Variants in TTC23L observed in about 807,000 individuals in gnomAD.
TTC23L encodes the protein tetratricopeptide repeat protein 23-like.
Under a neutral mutation model 48.1 loss-of-function variants are expected in TTC23L, and 42 were observed. The observed-to-expected ratio is 0.87, with a 90% CI of 0.68 to 1.13. TTC23L has a LOEUF of 1.13. TTC23L is among the 50% of genes most tolerant of loss of function. TTC23L has a pLI of 0.00. For synonymous variants in TTC23L, 159 were observed against 157.2 expected, an observed-to-expected ratio of 1.01 and a Z score of -0.09; for missense variants, 391 against 421.0, an observed-to-expected ratio of 0.93 and a Z score of 0.62.
At chr5:34,924,817 C>A in the TTC23L span, 3 of 1,543,814 alleles carry the variant, frequency 1.9e-6, no homozygotes, top group Non-Finnish European at 2.7e-6. Flanking sequence ...CGTAACCAAA[C>A]CAAAATGAAA....
chr5:34,855,182 G>GTGTGGT (rs2150373472), intron 4 of TTC23L, among the ~76,000 whole-genome samples: 3 of 71,368 alleles, frequency 4.2e-5, no homozygotes, highest in South Asian at 3.6e-4. Flanking sequence ...GCAGGCTAAG[G>GTGTGGT]TTAGGACTGG....
intron 9 of TTC23L, among the ~76,000 whole-genome samples, chr5:34,883,932 C>G (rs535007876): frequency 6.6e-6 from 1 of 152,258 alleles, no homozygotes; most frequent in African/African-American, 2.4e-5. Context: ...ACTCTGACAT[C>G]AAAGCCATAA....
intron 7 of TTC23L, chr5:34,868,057 C>G (rs899784612): frequency 6.6e-6 from 1 of 152,192 alleles, no homozygotes; most frequent in Non-Finnish European, 1.5e-5. Flanking sequence ...TATATCGATT[C>G]ATTTAATCTG....
chr5:34,917,498 G>A, the TTC23L span, among the ~76,000 whole-genome samples: 1 of 151,990 alleles, frequency 6.6e-6, no homozygotes, highest in African/African-American at 2.4e-5. Context: ...AAATCAGCCA[G>A]GTGCAGTGGC....
At chr5:34,882,658 C>CACACAA (rs1317720646) in intron 9 of TTC23L, among the ~76,000 whole-genome samples, 10 of 148,838 alleles carry the variant, frequency 6.7e-5, no homozygotes, top group East Asian at 5.9e-4. Flanking sequence ...CACACACACA[C>CACACAA]AATATCTTTT....
At chr5:34,846,327 A>C (rs1395075812) in intron 3 of TTC23L, among the ~76,000 whole-genome samples, 2 of 151,880 alleles carry the variant, frequency 1.3e-5, no homozygotes, top group Non-Finnish European at 2.9e-5. Context: ...TGGGAGGCCA[A>C]GGTGGGCAGA....
rs115722971 is a variant in TTC23L at position 34,862,796 on chromosome 5, G to A, written c.380-102G>A. On this transcript the variant is annotated intron_variant, in intron 4 of 10. Coordinates refer to ENST00000505624, the Ensembl canonical transcript of TTC23L. The stretch of plus-strand genomic sequence containing the variant: ...TAGGAACCAATGCTATAGACCATAC[G>A]ACAACTGCACTGCCCACTTTATCCC... 5.0e-3 allele frequency: 6,948 copies of A among 1,380,876 alleles called. 18 individuals are homozygous for A. Among genetic ancestry groups the A allele is most frequent in the Non-Finnish European group, 6.3e-3 (6,380 of 1,007,982 alleles). The allele number at this position is 1,380,876 out of a possible 1,614,324, so 85.5% of individuals were successfully genotyped here.
intron 3 of TTC23L, 62 bp downstream of exon 3, chr5:34,845,735 G>C: frequency 6.7e-7 from 1 of 1,482,932 alleles, no homozygotes; most frequent in Non-Finnish European, 9.1e-7. Flanking sequence ...GTTTAGAGAA[G>C]CTTTGCCTTC....
chr5:34,925,202 C>T, the TTC23L span: 1 of 1,474,370 alleles, frequency 6.8e-7, no homozygotes. Flanking sequence ...TCAAAAGCAT[C>T]TAATCTTTTT....
intron 7 of TTC23L, 47 bp downstream of exon 7, chr5:34,867,116 C>T: frequency 6.4e-7 from 1 of 1,571,822 alleles, no homozygotes; most frequent in Non-Finnish European, 8.7e-7. Context: ...TGTTTGGCCC[C>T]AGGCTTGGTT....
the TTC23L span, among the ~76,000 whole-genome samples, chr5:34,904,845 A>G: frequency 6.6e-6 from 1 of 152,190 alleles, no homozygotes; most frequent in Non-Finnish European, 1.5e-5. Context: ...AGGGTTTACT[A>G]GATTGTTACT....
At chr5:34,878,830 T>C (rs1762033502) in intron 8 of TTC23L, among the ~76,000 whole-genome samples, 1 of 152,108 alleles carries the variant, frequency 6.6e-6, no homozygotes, top group South Asian at 2.1e-4. Context: ...GATCCAGGAA[T>C]CCCACTATTA....
chr5:34,901,972 C>T (rs1763521062), downstream of TTC23L, among the ~76,000 whole-genome samples: 1 of 152,180 alleles, frequency 6.6e-6, no homozygotes, highest in Non-Finnish European at 1.5e-5. Flanking sequence ...TCCTTAGACT[C>T]TGAGCAAGTG....
chr5:34,842,027 G>A (rs1055643385), intron 2 of TTC23L, among the ~76,000 whole-genome samples: 14 of 152,076 alleles, frequency 9.2e-5, no homozygotes, highest in African/African-American at 2.9e-4. Context: ...ATTTCCCCTC[G>A]GGGCAAAGTC....
Position 34,864,785 on chromosome 5 carries a change from G to A in TTC23L, c.662+223G>A, listed in dbSNP as rs763475148. Among the ~76,000 whole-genome samples, 40 of 152,156 alleles carry A rather than the reference G, an allele frequency of 2.6e-4. 1 individual carries two copies. Among genetic ancestry groups the A allele is most frequent in the African/African-American group, 8.0e-4 (33 of 41,440 alleles). ...GGTATGATTATTATTTTATTAAAGG[G>A]GGGTGGTCAAGGAGACTGAAGCTGA... is the stretch of plus-strand genomic sequence containing the variant. On this transcript the variant is annotated intron_variant, in intron 6 of 10. Coordinates refer to ENST00000505624, the Ensembl canonical transcript of TTC23L.
chr5:34,850,364 C>A (rs573000917), intron 4 of TTC23L, 56 bp downstream of exon 4: 16 of 1,607,962 alleles, frequency 1.0e-5, no homozygotes, highest in African/African-American at 1.3e-5. Context: ...CTGAACTGAC[C>A]CACACAACCT....
intron 9 of TTC23L, among the ~76,000 whole-genome samples, chr5:34,889,931 C>T (rs1184763990): frequency 9.9e-5 from 15 of 151,802 alleles, no homozygotes; most frequent in African/African-American, 1.5e-4. Context: ...CTCCACCTCC[C>T]GAGTTCAAGT....
intron 9 of TTC23L, among the ~76,000 whole-genome samples, 158 bp downstream of exon 9, chr5:34,880,466 AT>A (rs970892303): frequency 2.7e-4 from 41 of 151,060 alleles, no homozygotes; most frequent in Non-Finnish European, 1.5e-5. Flanking sequence ...TAACCGAATT[AT>A]TTTTTTTTCA....
chr5:34,915,394 TC>T, the TTC23L span: 6 of 235,838 alleles, frequency 2.5e-5, no homozygotes, highest in Non-Finnish European at 4.9e-5. Flanking sequence ...AGTCTCGGGG[TC>T]CCCGAGTGCG....
Sources: gnomAD v4.1 joint callset for allele counts (sites outside exome capture counted in the v4.1 genomes callset) on GRCh38, gnomAD v4.1.1 for gene constraint, MANE v1.5 for transcripts, NCBI Gene and HGNC (gene_info 2026-07-23, HGNC 2026-07-21) for gene names.